Variants in TRPC5OS observed in about 807,000 individuals in gnomAD.
The protein encoded by TRPC5OS is putative uncharacterized protein TRPC5OS.
For missense variants in TRPC5OS, 64 were observed against 79.3 expected, an observed-to-expected ratio of 0.81 and a Z score of 0.73; for synonymous variants, 30 against 29.3, an observed-to-expected ratio of 1.02 and a Z score of -0.08.
intron 1 of TRPC5OS, among the ~76,000 whole-genome samples, chrX:111,893,952 C>G (rs1199099114): frequency 8.9e-6 from 1 of 111,874 alleles, no homozygotes; most frequent in Non-Finnish European, 1.9e-5. Context: ...GGATAAAGTT[C>G]TCTTGATGTT....
chrX:111,896,471 C>T lies in TRPC5OS; in HGVS notation c.-335C>T, dbSNP rs1020975078. 3 of 109,897 alleles carry T rather than the reference C, an allele frequency of 2.7e-5. No homozygotes were observed. The highest frequency in any genetic ancestry group is 3.8e-5 in the Non-Finnish European group (2 of 52,759). The allele number at this position is 109,897 out of a possible 1,213,427, so 9.1% of individuals were successfully genotyped here. ...GTTTAATAGGCCGAGCCTTGATATC[C>T]GCATCCCTCTCAGCTCTATCACAGG... is the stretch of plus-strand genomic sequence containing the variant. On this transcript the variant is annotated 5_prime_UTR_variant, in exon 3 of 4. Transcript: ENST00000635763.
chrX:111,879,216 A>G (rs1405963526), intron 1 of TRPC5OS, among the ~76,000 whole-genome samples: 1 of 112,102 alleles, frequency 8.9e-6, no homozygotes, highest in Non-Finnish European at 1.9e-5. Flanking sequence ...GACATCAGAA[A>G]AAGAGAGGGT....
intron 1 of TRPC5OS, among the ~76,000 whole-genome samples, chrX:111,882,915 G>A (rs1254634887): frequency 6.3e-5 from 7 of 111,011 alleles, no homozygotes; most frequent in Admixed American, 2.9e-4. Context: ...GTGAAACCCC[G>A]TCTCTACCAA....
intron 3 of TRPC5OS, among the ~76,000 whole-genome samples, chrX:111,900,896 C>T (rs1363312432): frequency 9.0e-6 from 1 of 111,408 alleles, no homozygotes; most frequent in Non-Finnish European, 1.9e-5. Flanking sequence ...TCTAGATTTT[C>T]AAACAAATAA....
intron 3 of TRPC5OS, among the ~76,000 whole-genome samples, chrX:111,897,133 G>T (rs1925104438): frequency 9.0e-6 from 1 of 110,872 alleles, no homozygotes; most frequent in Non-Finnish European, 1.9e-5. Context: ...TTTAGACTTG[G>T]GTCCCATTCC....
intron 3 of TRPC5OS, among the ~76,000 whole-genome samples, chrX:111,897,423 T>G (rs1925120305): frequency 9.0e-6 from 1 of 111,158 alleles, no homozygotes; most frequent in Non-Finnish European, 1.9e-5. Flanking sequence ...TGTACAAATC[T>G]TTAGAGTACC....
chrX:111,897,019 C>T (rs992733554), intron 3 of TRPC5OS, among the ~76,000 whole-genome samples: 2 of 112,007 alleles, frequency 1.8e-5, no homozygotes, highest in African/African-American at 6.5e-5. Flanking sequence ...GATGGTTTAG[C>T]GTACACAAAC....
intron 1 of TRPC5OS, among the ~76,000 whole-genome samples, chrX:111,877,875 T>G (rs373121297): frequency 9.0e-6 from 1 of 111,405 alleles, no homozygotes; most frequent in Admixed American, 9.6e-5. Flanking sequence ...ACAATGATGA[T>G]GTCATAGAAG....
At chrX:111,887,398 T>C (rs138955185) in intron 1 of TRPC5OS, among the ~76,000 whole-genome samples, 1,637 of 112,117 alleles carry the variant, frequency 0.015, 25 homozygotes, top group African/African-American at 0.051. Flanking sequence ...CATTTGCTGG[T>C]GAAACACATT....
chrX:111,888,982 G>T (rs1177463933), intron 1 of TRPC5OS, among the ~76,000 whole-genome samples: 1 of 111,999 alleles, frequency 8.9e-6, no homozygotes, highest in African/African-American at 3.2e-5. Flanking sequence ...AGGTTTTGGA[G>T]AGAGTACCAA....
At chrX:111,884,056 G>A (rs987989989) in intron 1 of TRPC5OS, among the ~76,000 whole-genome samples, 1 of 112,139 alleles carries the variant, frequency 8.9e-6, no homozygotes, top group African/African-American at 3.2e-5. Flanking sequence ...CCTAATTAAG[G>A]TGAAGTCAGA....
chrX:111,893,747 A>G (rs770060949), intron 1 of TRPC5OS, among the ~76,000 whole-genome samples: 84 of 112,331 alleles, frequency 7.5e-4, no homozygotes, highest in African/African-American at 2.6e-3. Context: ...TTGATAAATT[A>G]AAGATGCTTC....
intron 1 of TRPC5OS, among the ~76,000 whole-genome samples, chrX:111,888,099 G>C (rs916285627): frequency 1.8e-5 from 2 of 111,333 alleles, no homozygotes; most frequent in Non-Finnish European, 3.8e-5. Flanking sequence ...TAGCTCTTTT[G>C]ATATTTGAGT....
Position 111,901,582 on chromosome X carries a change from T to G in TRPC5OS, c.-268T>G, listed in dbSNP as rs1364036311. On this transcript the variant is annotated 5_prime_UTR_variant, in exon 4 of 4. The change abolishes an upstream ATG in the 5' untranslated region. Transcript: ENST00000635763. ...CTCTTGGCTGTGACAGTCCGCCTGATGGTCATTATAACAGCAGTTCACCAT... is the reference window on the plus strand; with the variant it reads ...CTCTTGGCTGTGACAGTCCGCCTGAGGGTCATTATAACAGCAGTTCACCAT... The G allele has an allele frequency of 4.5e-6, 1 of 220,309 alleles. No homozygotes were observed. Among genetic ancestry groups the G allele is most frequent in the Non-Finnish European group, 8.1e-6 (1 of 123,064 alleles). The allele number at this position is 220,309 out of a possible 1,213,427, so 18.2% of individuals were successfully genotyped here.
At chrX:111,900,960 T>C (rs1294711219) in intron 3 of TRPC5OS, among the ~76,000 whole-genome samples, 1 of 111,038 alleles carries the variant, frequency 9.0e-6, no homozygotes, top group Admixed American at 9.7e-5. Context: ...CAAAGCCCAC[T>C]AGACACGCAG....
intron 3 of TRPC5OS, among the ~76,000 whole-genome samples, chrX:111,898,874 C>G (rs1046858875): frequency 9.1e-6 from 1 of 109,659 alleles, no homozygotes; most frequent in African/African-American, 3.3e-5. Flanking sequence ...CCCACTCCTC[C>G]CCCACCAAGG....
At chrX:111,897,020 G>A (rs1477227575) in intron 3 of TRPC5OS, among the ~76,000 whole-genome samples, 1 of 111,980 alleles carries the variant, frequency 8.9e-6, no homozygotes, top group African/African-American at 3.2e-5. Context: ...ATGGTTTAGC[G>A]TACACAAACT....
At position 111,901,617 on chromosome X, in the gene TRPC5OS, CAA is replaced by C. The variant is rs755623871; in HGVS notation, c.-232_-231del. Reference sequence around the variant, plus strand: ...AACAGCAGTTCACCATTAGTACAAACAAGAGTACCATACATAAATTCTGTGCG... The same window carrying C: ...AACAGCAGTTCACCATTAGTACAAACGAGTACCATACATAAATTCTGTGCG... On this transcript the variant is annotated 5_prime_UTR_variant, in exon 4 of 4. Transcript: ENST00000635763. 2 of 289,311 alleles carry C rather than the reference CAA, an allele frequency of 6.9e-6. No homozygotes were observed. Among genetic ancestry groups the C allele is most frequent in the African/African-American group, 5.5e-5 (2 of 36,276 alleles). The allele number at this position is 289,311 out of a possible 1,213,427, so 23.8% of individuals were successfully genotyped here.
At position 111,903,109 on chromosome X, in the gene TRPC5OS, A is replaced by G. The variant is rs1925437506; in HGVS notation, c.*924A>G. The G allele has an allele frequency of 9.0e-6, 1 of 111,546 alleles. No homozygotes were observed. The highest frequency in any genetic ancestry group is 9.6e-5 in the Admixed American group (1 of 10,450). 9.2% of individuals were successfully genotyped at this position (111,546 alleles called of 1,213,427 possible). The stretch of plus-strand genomic sequence containing the variant: ...ACCCTTGTTTTCCTGGGTCACCTGA[A>G]CAGATTGTACTGTAATGGTACCTCA... On this transcript the variant is annotated 3_prime_UTR_variant, in exon 4 of 4. Coordinates refer to ENST00000635763, the MANE Select transcript of TRPC5OS (RefSeq NM_001195578.2).
Sources: gnomAD v4.1 joint callset for allele counts (sites outside exome capture counted in the v4.1 genomes callset) on GRCh38, gnomAD v4.1.1 for gene constraint, MANE v1.5 for transcripts, NCBI Gene and HGNC (gene_info 2026-07-23, HGNC 2026-07-21) for gene names.